The following TRIM71 variants were observed in gnomAD, a reference collection of about 807,000 sequenced individuals.
TRIM71 encodes the protein tripartite motif containing 71.
In TRIM71, 9 loss-of-function variants were observed where a neutral mutation model predicts 61.2. The observed-to-expected ratio is 0.15, with a 90% CI of 0.09 to 0.26. TRIM71 has a LOEUF of 0.26. TRIM71 is among the 10% of genes least tolerant of loss of function. The pLI is 1.00. For missense variants in TRIM71, 998 were observed against 1,238.7 expected (o/e 0.81, Z 2.92); for synonymous variants, 645 against 553.2 (o/e 1.17, Z -2.33).
intron 1 of TRIM71, among the ~76,000 whole-genome samples, chr3:32,819,662 G>A (rs945825647): frequency 6.6e-6 from 1 of 152,070 alleles, no homozygotes; most frequent in Non-Finnish European, 1.5e-5. Flanking sequence ...TGAAATCGCC[G>A]TTCGTGGGCC....
chr3:32,824,169 TTTA>T (rs1010122634), intron 1 of TRIM71, among the ~76,000 whole-genome samples: 2 of 152,104 alleles, frequency 1.3e-5, no homozygotes, highest in African/African-American at 2.4e-5. Context: ...ACTTAATACT[TTTA>T]TTTAGTCCTT....
At chr3:32,889,764 T>C (rs1179327190) in intron 3 of TRIM71, among the ~76,000 whole-genome samples, 2 of 151,944 alleles carry the variant, frequency 1.3e-5, no homozygotes, top group Non-Finnish European at 2.9e-5. Flanking sequence ...TAATTTTTGT[T>C]ATTTTTAGTA....
In TRIM71 at chr3:32,818,422, C is replaced by G. The variant is rs1350905241; in HGVS notation, c.342C>G (p.Phe114Leu). The G allele has an allele frequency of 6.8e-7, 1 of 1,476,608 alleles. No homozygotes were observed. Among genetic ancestry groups the G allele is most frequent in the Admixed American group, 2.3e-5 (1 of 44,090 alleles). The allele number at this position is 1,476,608 out of a possible 1,614,324, so 91.5% of individuals were successfully genotyped here. ...TGGACGCGCTGCCTTCGTCCGCCTTCCTGCTTAGCAACCTGCTCGACGCGG... is the reference window on the plus strand; with the variant it reads ...TGGACGCGCTGCCTTCGTCCGCCTTGCTGCTTAGCAACCTGCTCGACGCGG... ...AGMDALPSSA[F>L]LLSNLLDAVV... The change falls in exon 1 of 4, where the codon TTC (phenylalanine) becomes TTG (leucine). Residue 114 changes from phenylalanine to leucine, a missense_variant. By Grantham distance (22) the Phe-to-Leu change is conservative. This residue lies in a region of TRIM71 where 527 missense variants were observed against 427.8 expected (regional missense o/e 1.23). Coordinates refer to ENST00000383763, the MANE Select transcript of TRIM71 (RefSeq NM_001039111.3).
In TRIM71 at chr3:32,828,362, C is replaced by T. The variant is rs1696228209; in HGVS notation, c.852+9430C>T. ...TCTATTATTTGGCTTTGCTTGAGCA[C>T]TCTGATTCTAGGTTAGATTCTGCTT... On this transcript the variant is annotated intron_variant, in intron 1 of 3. Transcript: ENST00000383763. Among the ~76,000 whole-genome samples the T allele has an allele frequency of 2.6e-5, 4 of 152,140 alleles. No homozygotes were observed. In the South Asian group the frequency reaches 6.2e-4, roughly 24 times the overall value.
chr3:32,818,996 C>T, intron 1 of TRIM71, 64 bp downstream of exon 1: 2 of 1,561,650 alleles, frequency 1.3e-6, no homozygotes, highest in Non-Finnish European at 1.7e-6. Context: ...AACAGCGTTT[C>T]CCGGCCGGTC....
At chr3:32,847,394 C>T (rs1286088395) in intron 1 of TRIM71, among the ~76,000 whole-genome samples, 1 of 152,076 alleles carries the variant, frequency 6.6e-6, no homozygotes, top group Non-Finnish European at 1.5e-5. Context: ...GAGGTTTCTC[C>T]ACGTTGGTCA....
intron 1 of TRIM71, among the ~76,000 whole-genome samples, chr3:32,863,011 G>A (rs1327386631): frequency 6.6e-6 from 1 of 152,124 alleles, no homozygotes; most frequent in Non-Finnish European, 1.5e-5. Context: ...CAACCTATTA[G>A]AAGTAAATTA....
intron 1 of TRIM71, among the ~76,000 whole-genome samples, chr3:32,844,855 A>G (rs1020801546): frequency 6.6e-6 from 1 of 152,162 alleles, no homozygotes; most frequent in Admixed American, 6.5e-5. Context: ...GAGACATTGT[A>G]TTTCTAAGAA....
intron 1 of TRIM71, among the ~76,000 whole-genome samples, chr3:32,824,827 C>T (rs984311315): frequency 1.3e-5 from 2 of 151,858 alleles, no homozygotes; most frequent in African/African-American, 4.8e-5. Flanking sequence ...TGGAGTCTCG[C>T]TGTGTCACCC....
chr3:32,888,563 G>T (rs1000217693), intron 3 of TRIM71, among the ~76,000 whole-genome samples: 4 of 151,618 alleles, frequency 2.6e-5, no homozygotes, highest in African/African-American at 9.7e-5. Flanking sequence ...GTTTTGAGAC[G>T]GAGTTTCGCT....
At chr3:32,878,327 C>T (rs530838505) in intron 2 of TRIM71, among the ~76,000 whole-genome samples, 83 of 152,260 alleles carry the variant, frequency 5.5e-4, no homozygotes, top group African/African-American at 1.8e-3. Context: ...TTCCGCAAAC[C>T]GGCCTGGCAT....
At chr3:32,830,826 G>A (rs959835650) in intron 1 of TRIM71, among the ~76,000 whole-genome samples, 1 of 152,016 alleles carries the variant, frequency 6.6e-6, no homozygotes, top group Admixed American at 6.6e-5. Flanking sequence ...TTTTTTATTT[G>A]TTTTGATGTT....
intron 1 of TRIM71, among the ~76,000 whole-genome samples, chr3:32,866,838 G>A (rs1696741408): frequency 1.3e-5 from 2 of 152,156 alleles, no homozygotes; most frequent in South Asian, 4.1e-4. Context: ...TTGGAGAGGA[G>A]TAATGGCAAC....
In TRIM71 at chr3:32,818,495, G is replaced by A. The variant is rs778719542; in HGVS notation, c.415G>A (p.Ala139Thr). The change falls in exon 1 of 4, where the codon GCT becomes ACT. Residue 139 changes from alanine (A) to threonine (T), a missense_variant. Around this residue, in one of 5 missense-constraint regions of TRIM71, gnomAD observed 527 missense variants for 427.8 expected, o/e 1.23. Coordinates refer to ENST00000383763, the MANE Select transcript of TRIM71 (RefSeq NM_001039111.3). The part of the protein sequence containing the change: ...EPPPKNGRAG[A>T]PAGAGGHSNH... Reference sequence around the variant, plus strand: ...GCCGCCCAAGAACGGGCGCGCCGGCGCTCCGGCGGGAGCGGGCGGCCACAG... The same window carrying A: ...GCCGCCCAAGAACGGGCGCGCCGGCACTCCGGCGGGAGCGGGCGGCCACAG... 5.6e-5 allele frequency: 80 copies of A among 1,425,848 alleles called. No homozygotes were observed. The highest frequency in any genetic ancestry group is 4.2e-4 in the Middle Eastern group (2 of 4,770). The allele number at this position is 1,425,848 out of a possible 1,614,324, so 88.3% of individuals were successfully genotyped here.
chr3:32,892,980 T>C lies in TRIM71; in HGVS notation c.*1169T>C, dbSNP rs1697042558. The C allele has an allele frequency of 6.6e-6, 1 of 152,098 alleles. No individual in the cohort carries two copies. The highest frequency in any genetic ancestry group is 2.1e-4 in the South Asian group (1 of 4,822). The allele number at this position is 152,098 out of a possible 1,614,324, so 9.4% of individuals were successfully genotyped here. On this transcript the variant is annotated 3_prime_UTR_variant, in exon 4 of 4. Transcript: ENST00000383763. Reference sequence around the variant, plus strand: ...GCATGTTGTTCTGTAGTGCTAGGGGTTTCTTTTCCTAAGAAGAGTAGGCAA... The same window carrying C: ...GCATGTTGTTCTGTAGTGCTAGGGGCTTCTTTTCCTAAGAAGAGTAGGCAA...
chr3:32,849,069 T>A (rs986152790), intron 1 of TRIM71, among the ~76,000 whole-genome samples: 1 of 152,156 alleles, frequency 6.6e-6, no homozygotes, highest in African/African-American at 2.4e-5. Flanking sequence ...CAGGGGAGCC[T>A]TAAGCTGGGG....
intron 1 of TRIM71, among the ~76,000 whole-genome samples, chr3:32,848,424 C>G (rs1482781464): frequency 1.3e-5 from 2 of 152,164 alleles, no homozygotes; most frequent in African/African-American, 2.4e-5. Context: ...CACTTCTTTC[C>G]CTGATAACCA....
At chr3:32,824,951 T>C (rs1696184505) in intron 1 of TRIM71, among the ~76,000 whole-genome samples, 2 of 152,068 alleles carry the variant, frequency 1.3e-5, no homozygotes, top group South Asian at 2.1e-4. Context: ...TGTGCCACCA[T>C]GCCTGGCTAA....
At chr3:32,865,020 T>A (rs1393901011) in intron 1 of TRIM71, among the ~76,000 whole-genome samples, 1 of 151,970 alleles carries the variant, frequency 6.6e-6, no homozygotes, top group African/African-American at 2.4e-5. Context: ...GGAGGATTGC[T>A]CCTGCCCTGT....
Sources: allele counts gnomAD v4.1 joint callset (sites outside exome capture counted in the v4.1 genomes callset), GRCh38; gene constraint gnomAD v4.1.1; regional missense constraint gnomAD v4.1.1; transcripts MANE v1.5; gene names NCBI Gene and HGNC (gene_info 2026-07-23, HGNC 2026-07-21).